The following CACNA1C variants were observed in gnomAD, a reference collection of about 807,000 sequenced individuals.
CACNA1C encodes the protein voltage-dependent L-type calcium channel subunit alpha-1C.
Under a neutral mutation model 229.0 loss-of-function variants are expected in CACNA1C, and 30 were observed. The observed-to-expected ratio is 0.13, with a 90% CI of 0.10 to 0.18. The LOEUF (loss-of-function observed/expected upper bound fraction) is 0.18. CACNA1C is among the 10% of genes least tolerant of loss of function. The pLI is 1.00. For synonymous variants in CACNA1C, 1,114 were observed against 1,132.5 expected (o/e 0.98, Z 0.33); for missense variants, 1,658 against 2,845.0 (o/e 0.58, Z 9.49).
intron 13 of CACNA1C, among the ~76,000 whole-genome samples, chr12:2,577,178 C>A (rs1207839384): frequency 6.6e-6 from 1 of 152,190 alleles, no homozygotes. Context: ...ACAGCACAAA[C>A]AACCATATCT....
intron 29 of CACNA1C, among the ~76,000 whole-genome samples, chr12:2,623,129 T>A (rs2084267031): frequency 6.6e-6 from 1 of 152,158 alleles, no homozygotes; most frequent in South Asian, 2.1e-4. Flanking sequence ...CAGTCTAAGA[T>A]GTTGCCTGAA....
At position 2,319,262 on chromosome 12, in the gene CACNA1C, G is replaced by A. The variant is rs1017802261; in HGVS notation, c.478-129714G>A. ...CATGATGTGTAGTGTACATGGGGGCGGCGTGCATGGTGGGTGGCCTGTGGG... is the reference window on the plus strand; with the variant it reads ...CATGATGTGTAGTGTACATGGGGGCAGCGTGCATGGTGGGTGGCCTGTGGG... On this transcript the variant is annotated intron_variant, in intron 3 of 46. Coordinates refer to ENST00000399655, the MANE Select transcript of CACNA1C (RefSeq NM_000719.7). This position sits in a 1 kb window ranked among gnomAD's most constrained non-coding sequence, Gnocchi z 4.0. Among the ~76,000 whole-genome samples the A allele has an allele frequency of 1.3e-4, 20 of 152,058 alleles. No individual in the cohort carries two copies. Among genetic ancestry groups the A allele is most frequent in the East Asian group, 3.9e-4 (2 of 5,166 alleles).
chr12:2,044,910 A>G (rs866711950), intron 1 of CACNA1C, among the ~76,000 whole-genome samples: 1 of 152,200 alleles, frequency 6.6e-6, no homozygotes, highest in African/African-American at 2.4e-5. Context: ...GTGGAATTCT[A>G]AGAGAGATGC....
intron 29 of CACNA1C, among the ~76,000 whole-genome samples, chr12:2,631,997 A>G (rs549236441): frequency 9.2e-5 from 14 of 152,206 alleles, no homozygotes; most frequent in African/African-American, 2.6e-4. Context: ...TGAGTAAAAA[A>G]TGAAGAGGAA....
chr12:2,165,973 T>C (rs751067123), intron 3 of CACNA1C, among the ~76,000 whole-genome samples: 21 of 152,124 alleles, frequency 1.4e-4, no homozygotes, highest in Non-Finnish European at 2.4e-4. Context: ...AAAGAAATAA[T>C]GGAAATGGCA....
At chr12:2,607,862 A>G (rs2076052936) in intron 26 of CACNA1C, 1 of 152,300 alleles carries the variant, frequency 6.6e-6, no homozygotes, top group Non-Finnish European at 1.5e-5. Context: ...TCACATTATT[A>G]TGTGGTAAGA....
intron 1 of CACNA1C, among the ~76,000 whole-genome samples, chr12:2,079,547 C>A (rs2064640003): frequency 6.6e-6 from 1 of 152,152 alleles, no homozygotes. Flanking sequence ...GAATCCCACT[C>A]ATGAGGAACC....
At chr12:2,218,168 C>T (rs1321931103) in intron 3 of CACNA1C, among the ~76,000 whole-genome samples, 1 of 152,212 alleles carries the variant, frequency 6.6e-6, no homozygotes, top group Non-Finnish European at 1.5e-5. Flanking sequence ...CACGTCCCTA[C>T]TCTAGCATCC....
chr12:2,275,770 G>GGAAACCATCGT lies in CACNA1C; in HGVS notation c.477+155340_477+155341insGAAACCATCGT, dbSNP rs2087619328. Among the ~76,000 whole-genome samples the GGAAACCATCGT allele has an allele frequency of 6.6e-6, 1 of 150,728 alleles. No individual in the cohort carries two copies. The highest frequency in any genetic ancestry group is 2.5e-5 in the African/African-American group (1 of 40,036). On this transcript the variant is annotated intron_variant, in intron 3 of 46. Coordinates refer to ENST00000399655, the MANE Select transcript of CACNA1C (RefSeq NM_000719.7). The surrounding 1 kb of genome is among the most constrained non-coding windows in gnomAD (Gnocchi z 4.1). ...TAGGTGGGAGAAGACAGCCAGCACT[G>GGAAACCATCGT]TAGAGTGGGGAGGGCTCAGTGCTTC... is the stretch of plus-strand genomic sequence containing the variant.
Position 2,691,316 on chromosome 12 carries a change from A to T in CACNA1C, c.*117A>T. ...GTTAACCGGAACAGCGTCTTCATTC[A>T]TTTCTGTTGGGACCAGACGCGGAGC... On this transcript the variant is annotated 3_prime_UTR_variant, in exon 47 of 47. Transcript: ENST00000399655. The T allele has an allele frequency of 2.7e-6, 3 of 1,111,820 alleles. No homozygotes were observed. Among genetic ancestry groups the T allele is most frequent in the Non-Finnish European group, 3.6e-6 (3 of 832,858 alleles). The allele number at this position is 1,111,820 out of a possible 1,614,324, so 68.9% of individuals were successfully genotyped here.
At chr12:2,534,327 G>A (rs931850645) in intron 9 of CACNA1C, among the ~76,000 whole-genome samples, 6 of 152,150 alleles carry the variant, frequency 3.9e-5, no homozygotes, top group Non-Finnish European at 7.3e-5. Flanking sequence ...GAGTGAAAGC[G>A]GATTGCCAAG....
intron 2 of CACNA1C, among the ~76,000 whole-genome samples, 195 bp from the exon 3 acceptor site, chr12:2,120,130 T>A (rs1308713020): frequency 6.6e-6 from 1 of 152,208 alleles, no homozygotes; most frequent in Admixed American, 6.5e-5. Flanking sequence ...TTTTGACATA[T>A]TAGGGAAAAT....
intron 3 of CACNA1C, among the ~76,000 whole-genome samples, chr12:2,320,922 A>G (rs2095956385): frequency 6.6e-6 from 1 of 152,180 alleles, no homozygotes; most frequent in East Asian, 1.9e-4. Context: ...GTGACCTGCC[A>G]GACAAGCTAG....
At chr12:2,333,031 C>T (rs796264811) in intron 3 of CACNA1C, among the ~76,000 whole-genome samples, 23 of 152,298 alleles carry the variant, frequency 1.5e-4, no homozygotes, top group African/African-American at 4.6e-4. Context: ...CCGGCAGTGA[C>T]GAGCAGCCCC....
chr12:2,204,455 A>T (rs1043106404), intron 3 of CACNA1C, among the ~76,000 whole-genome samples: 1 of 151,546 alleles, frequency 6.6e-6, no homozygotes, highest in Non-Finnish European at 1.5e-5. Flanking sequence ...ATATACCCAA[A>T]TGACTATAAA....
At chr12:2,259,998 T>C (rs1238645466) in intron 3 of CACNA1C, among the ~76,000 whole-genome samples, 1 of 152,062 alleles carries the variant, frequency 6.6e-6, no homozygotes, top group Non-Finnish European at 1.5e-5. Flanking sequence ...AATCCCCCTC[T>C]CCCCACCAGC....
At chr12:2,257,162 G>A (rs1306151390) in intron 3 of CACNA1C, among the ~76,000 whole-genome samples, 1 of 152,066 alleles carries the variant, frequency 6.6e-6, no homozygotes, top group African/African-American at 2.4e-5. Flanking sequence ...TTGTAATGGC[G>A]GCCAAGATCG....
chr12:2,684,679 G>A (rs187532390), intron 43 of CACNA1C, among the ~76,000 whole-genome samples: 303 of 152,276 alleles, frequency 2.0e-3, no homozygotes, highest in African/African-American at 6.9e-3. Context: ...AGAAAGTTGA[G>A]GGCAGGGTGA....
chr12:2,574,016 C>T (rs576428326), intron 13 of CACNA1C, among the ~76,000 whole-genome samples: 12 of 152,238 alleles, frequency 7.9e-5, no homozygotes, highest in African/African-American at 2.9e-4. Context: ...GATCATTCAT[C>T]CTCTTGTTGA....
Sources: allele counts gnomAD v4.1 joint callset (sites outside exome capture counted in the v4.1 genomes callset), GRCh38; gene constraint gnomAD v4.1.1; non-coding constraint Gnocchi (gnomAD v3.1); transcripts MANE v1.5; gene names NCBI Gene and HGNC (gene_info 2026-07-23, HGNC 2026-07-21).